The following ACAP2 variants were observed in gnomAD, a reference collection of about 807,000 sequenced individuals.
ACAP2 encodes the protein ArfGAP with coiled-coil, ankyrin repeat and PH domains 2.
Under a neutral mutation model 115.8 loss-of-function variants are expected in ACAP2, and 39 were observed. That is an observed-to-expected ratio of 0.34 (90% confidence interval 0.26 to 0.44). The LOEUF (loss-of-function observed/expected upper bound fraction) is 0.44, where lower values mean the gene tolerates loss of function less well. ACAP2 is among the 20% of genes least tolerant of loss of function. The probability of loss-of-function intolerance (pLI) is 1.00; values close to 1 mark genes in which losing one functional copy is unlikely to be tolerated. For missense variants in ACAP2, 662 were observed against 927.6 expected (o/e 0.71, Z 3.72); for synonymous variants, 289 against 315.8 (o/e 0.92, Z 0.90).
intron 1 of ACAP2, 56 bp downstream of exon 1, chr3:195,442,739 G>A: frequency 1.3e-6 from 2 of 1,511,358 alleles, no homozygotes; most frequent in South Asian, 1.2e-5. Flanking sequence ...CGGCTTTCAC[G>A]CCCCCAGCGC....
intron 15 of ACAP2, among the ~76,000 whole-genome samples, chr3:195,299,340 C>A (rs1283687094): frequency 6.6e-6 from 1 of 151,354 alleles, no homozygotes; most frequent in East Asian, 1.9e-4. Flanking sequence ...GAGGCCGAGG[C>A]AGGCAGATCA....
At position 195,320,703 on chromosome 3, in the gene ACAP2, G is replaced by A. The variant is rs1329694321; in HGVS notation, c.855C>T (p.Asn285=). The change falls in exon 10 of 23, where the codon AAC becomes AAT. Residue 285 remains asparagine (N), a splice_region_variant and synonymous_variant. Coordinates refer to ENST00000326793, the MANE Select transcript of ACAP2 (RefSeq NM_012287.6). ...GACTAGTATTTGAAATATATTACCT[G>A]TTCCAAGTTTTGAAGGCATTGCTGG... ...KRASNAFKTW[N]RRWFSIQNNQ... is the part of the protein sequence containing the mutation. 6.2e-7 allele frequency: 1 copy of A among 1,609,276 alleles called. No individual in the cohort carries two copies. Among genetic ancestry groups the A allele is most frequent in the Non-Finnish European group, 8.5e-7 (1 of 1,175,914 alleles).
At chr3:195,327,421 C>CT (rs1254647734) in intron 8 of ACAP2, among the ~76,000 whole-genome samples, 5 of 152,168 alleles carry the variant, frequency 3.3e-5, no homozygotes, top group African/African-American at 7.2e-5. Context: ...CAAATTCACT[C>CT]TAACAGCTAC....
At chr3:195,335,259 C>T (rs1347937731) in intron 7 of ACAP2, among the ~76,000 whole-genome samples, 1 of 152,090 alleles carries the variant, frequency 6.6e-6, no homozygotes, top group African/African-American at 2.4e-5. Flanking sequence ...ACCATATTTA[C>T]TACCAGGACT....
chr3:195,425,822 C>T (rs1714643231), intron 1 of ACAP2, among the ~76,000 whole-genome samples: 1 of 152,106 alleles, frequency 6.6e-6, no homozygotes. Context: ...TCAACATCAA[C>T]TCTTCTTGAT....
chr3:195,439,210 A>T (rs1356772649), intron 1 of ACAP2, among the ~76,000 whole-genome samples: 4 of 100,264 alleles, frequency 4.0e-5, no homozygotes, highest in South Asian at 3.6e-4. Flanking sequence ...TTTTTTTTTA[A>T]GAGAGAGAGA....
At chr3:195,421,736 C>T (rs1177844278) in intron 1 of ACAP2, among the ~76,000 whole-genome samples, 2 of 152,150 alleles carry the variant, frequency 1.3e-5, no homozygotes, top group Admixed American at 6.5e-5. Flanking sequence ...AGTTAGTTTT[C>T]TTCCATACCT....
rs764139938 is a variant in ACAP2, at chr3:195,295,696, A to G, written c.1672+12T>C. On this transcript the variant is annotated intron_variant, in intron 17 of 22. Coordinates refer to ENST00000326793, the MANE Select transcript of ACAP2 (RefSeq NM_012287.6). Reference sequence around the variant, plus strand: ...AAAATAGCTATAGACACAGTAAGAAAGTTTGCCATACCTGAACTTTGGGCA... The same window carrying G: ...AAAATAGCTATAGACACAGTAAGAAGGTTTGCCATACCTGAACTTTGGGCA... 6.2e-7 allele frequency: 1 copy of G among 1,614,030 alleles called. No homozygotes were observed. Among genetic ancestry groups the G allele is most frequent in the South Asian group, 1.1e-5 (1 of 91,074 alleles).
intron 18 of ACAP2, among the ~76,000 whole-genome samples, chr3:195,292,921 CAAAAAAAAA>C (rs3988217): frequency 7.8e-5 from 6 of 76,722 alleles, no homozygotes; most frequent in African/African-American, 2.7e-4. Flanking sequence ...GACTCAGTCT[CAAAAAAAAA>C]AAAAAAAAAA....
intron 2 of ACAP2, among the ~76,000 whole-genome samples, chr3:195,388,576 T>G (rs1275989222): frequency 6.6e-6 from 1 of 152,214 alleles, no homozygotes; most frequent in Non-Finnish European, 1.5e-5. Context: ...CACAAAGCTA[T>G]GAAATCATTA....
intron 2 of ACAP2, among the ~76,000 whole-genome samples, chr3:195,389,908 C>T (rs990998155): frequency 6.6e-6 from 1 of 152,198 alleles, no homozygotes; most frequent in Non-Finnish European, 1.5e-5. Context: ...ATCATAAAGA[C>T]AGAGGGGCCG....
intron 22 of ACAP2, chr3:195,285,562 T>C: frequency 4.7e-6 from 2 of 424,514 alleles, no homozygotes; most frequent in African/African-American, 2.0e-5. Context: ...AGCAAGTCAA[T>C]GTGTACTGTC....
chr3:195,409,956 A>G (rs1713124307), intron 1 of ACAP2, among the ~76,000 whole-genome samples: 1 of 151,446 alleles, frequency 6.6e-6, no homozygotes, highest in African/African-American at 2.4e-5. Flanking sequence ...TCAAGGGACA[A>G]TGGATAGCCA....
chr3:195,326,612 A>G (rs991789601), intron 9 of ACAP2: 23 of 339,246 alleles, frequency 6.8e-5, no homozygotes, highest in Admixed American at 6.3e-4. Flanking sequence ...AATTCTAACT[A>G]AAGGCCACTT....
chr3:195,284,207 G>C (rs991138380), intron 22 of ACAP2, among the ~76,000 whole-genome samples: 3 of 152,158 alleles, frequency 2.0e-5, no homozygotes, highest in African/African-American at 4.8e-5. Flanking sequence ...GAAAATAATT[G>C]TTTAACTTAA....
intron 1 of ACAP2, among the ~76,000 whole-genome samples, chr3:195,438,743 A>C (rs1715775796): frequency 6.6e-6 from 1 of 152,158 alleles, no homozygotes; most frequent in Non-Finnish European, 1.5e-5. Flanking sequence ...TTTAAAAAAA[A>C]AGTTATTCTA....
At chr3:195,311,086 T>A (rs1401801023) in intron 10 of ACAP2, among the ~76,000 whole-genome samples, 1 of 120,798 alleles carries the variant, frequency 8.3e-6, no homozygotes, top group Non-Finnish European at 1.6e-5. Context: ...TCATTGTGGT[T>A]TTTTTGTTTT....
intron 1 of ACAP2, among the ~76,000 whole-genome samples, chr3:195,422,334 C>CA (rs146735460): frequency 6.9e-6 from 1 of 144,606 alleles, no homozygotes; most frequent in East Asian, 2.0e-4. Context: ...ATAATAATAA[C>CA]AAAAAATCCT....
chr3:195,372,042 T>G (rs758124517), intron 4 of ACAP2, among the ~76,000 whole-genome samples: 6 of 152,200 alleles, frequency 3.9e-5, no homozygotes, highest in Non-Finnish European at 8.8e-5. Flanking sequence ...ACAGGAAGAT[T>G]TGCAGGCTAA....
Sources: allele counts gnomAD v4.1 joint callset (sites outside exome capture counted in the v4.1 genomes callset), GRCh38; gene constraint gnomAD v4.1.1; transcripts MANE v1.5; gene names NCBI Gene and HGNC (gene_info 2026-07-23, HGNC 2026-07-21).